The following KDM6B variants were observed in gnomAD, a reference collection of about 807,000 sequenced individuals.
KDM6B encodes the protein lysine demethylase 6B.
A neutral mutation model predicts 150.4 loss-of-function variants in KDM6B; 22 were observed. The ratio of observed to expected loss-of-function variants is 0.15; its 90% confidence interval spans 0.10 to 0.21. The LOEUF is 0.21. KDM6B is among the 10% of genes least tolerant of loss of function. KDM6B has a pLI of 1.00. For missense variants in KDM6B, 1,984 were observed against 2,234.3 expected, an observed-to-expected ratio of 0.89 and a Z score of 2.26; for synonymous variants, 1,148 against 921.1, an observed-to-expected ratio of 1.25 and a Z score of -4.46.
Position 7,846,682 on chromosome 17 carries a change from C to T in KDM6B, c.653C>T (p.Ser218Leu). Residue 218 changes from serine to leucine, a missense_variant, in exon 9 of 24, where the codon TCA (serine) becomes TTA (leucine). By Grantham distance (145) the Ser-to-Leu change is moderately radical (BLOSUM62 -2). Coordinates refer to ENST00000448097, the MANE Select transcript of KDM6B (RefSeq NM_001348716.2). ...CCTCCTGCAGCACTCTCAGGCCCCTCAGGGGAGGAGGGCCTCAGCCCTGGA... is the reference window on the plus strand; with the variant it reads ...CCTCCTGCAGCACTCTCAGGCCCCTTAGGGGAGGAGGGCCTCAGCCCTGGA... ...PVPPAALSGP[S>L]GEEGLSPGGK... The T allele has an allele frequency of 6.2e-7, 1 of 1,614,148 alleles. No individual in the cohort carries two copies. Among genetic ancestry groups the T allele is most frequent in the Non-Finnish European group, 8.5e-7 (1 of 1,179,998 alleles).
rs753870563 is a variant in KDM6B at position 7,852,027 on chromosome 17, C to A, written c.4242C>A (p.His1414Gln). The change falls in exon 19 of 24, where the codon CAC becomes CAA. Residue 1414 changes from histidine to glutamine, a missense_variant. By Grantham distance (24) the His-to-Gln change is conservative. Around this residue, in one of 13 missense-constraint regions of KDM6B, gnomAD observed 19 missense variants for 21.1 expected, o/e 0.90. Transcript: ENST00000448097. ...GCGACTGCGAGTGGTTCGCGGTGCA[C>A]GAGCACTACTGGGAGACCATCAGCG... ...GPGDCEWFAV[H>Q]EHYWETISAF... is the part of the protein sequence containing the mutation. 1 of 1,614,114 alleles carries A rather than the reference C, an allele frequency of 6.2e-7. No homozygotes were observed. The highest frequency in any genetic ancestry group is 1.1e-5 in the South Asian group (1 of 91,088).
intron 1 of KDM6B, among the ~76,000 whole-genome samples, chr17:7,838,790 A>G (rs1486116885): frequency 6.6e-6 from 1 of 151,880 alleles, no homozygotes; most frequent in Non-Finnish European, 1.5e-5. Flanking sequence ...GGAGAGTTCT[A>G]GCCTGAAGCT....
chr17:7,852,095 C>T (rs1324125491), intron 19 of KDM6B, 30 bp downstream of exon 19: 5 of 1,613,260 alleles, frequency 3.1e-6, no homozygotes, highest in Admixed American at 3.3e-5. Flanking sequence ...AGTCAGACTG[C>T]CGCGTCCCCG....
intron 2 of KDM6B, among the ~76,000 whole-genome samples, chr17:7,841,835 G>A (rs1046373399): frequency 1.3e-5 from 2 of 152,196 alleles, no homozygotes; most frequent in African/African-American, 4.8e-5. Context: ...AATCCCGGGC[G>A]GGCGGCCTGC....
rs557767608 is a variant in KDM6B, at chr17:7,853,429, G to C, written c.4908+49G>C. ...GCAGCGGAGGAGGGCACTGGGGCAG[G>C]CTGCAGGGACGGGCTTCGGGAGCCC... is the stretch of plus-strand genomic sequence containing the variant. On this transcript the variant is annotated intron_variant, in intron 23 of 23. Coordinates refer to ENST00000448097, the MANE Select transcript of KDM6B (RefSeq NM_001348716.2). 7.9e-4 allele frequency: 1,203 copies of C among 1,530,466 alleles called. 3 individuals carry two copies. In the Middle Eastern group the frequency reaches 9.5e-3, roughly 12 times the overall value. The allele number at this position is 1,530,466 out of a possible 1,614,324, so 94.8% of individuals were successfully genotyped here.
chr17:7,836,441 T>C (rs1445784685), intron 1 of KDM6B, among the ~76,000 whole-genome samples: 3 of 150,820 alleles, frequency 2.0e-5, no homozygotes, highest in African/African-American at 7.3e-5. Context: ...GGCGGGAGAG[T>C]TGGGGACCCA....
At chr17:7,850,973 C>T in intron 14 of KDM6B, 48 bp from the exon 15 acceptor site, 1 of 1,510,902 alleles carries the variant, frequency 6.6e-7, no homozygotes, top group Non-Finnish European at 9.0e-7. Flanking sequence ...GTCCTCGGTC[C>T]CTATCCTCTG....
rs1310579342 is a variant in KDM6B at position 7,851,058 on chromosome 17, G to A, written c.3711G>A (p.Ala1237=). The change falls in exon 15 of 24, where the codon GCG becomes GCA. Residue 1237 remains alanine, a synonymous_variant. Coordinates refer to ENST00000448097, the MANE Select transcript of KDM6B (RefSeq NM_001348716.2). ...GLFSTKTLVE[A]SGEHTVEVRT... is the part of the protein sequence containing the mutation. ...TCTCCACCAAGACCCTGGTGGAAGC[G>A]AGTGGCGAACACACCGTGGAAGTTC... The A allele has an allele frequency of 2.5e-6, 4 of 1,612,666 alleles. No homozygotes were observed. Among genetic ancestry groups the A allele is most frequent in the East Asian group, 2.2e-5 (1 of 44,872 alleles).
At chr17:7,850,996 C>T in intron 14 of KDM6B, 25 bp from the exon 15 acceptor site, 9 of 1,572,990 alleles carry the variant, frequency 5.7e-6, no homozygotes, top group Non-Finnish European at 6.9e-6. Context: ...TCTGCCCCGA[C>T]ACCCTGCTCG....
rs988670906 is a variant in KDM6B, at chr17:7,851,975, G to C, written c.4190G>C (p.Cys1397Ser). ...GGCCACCAGGAGAATAACAACTTCT[G>C]CTCCGTCAACATCAACATTGGCCCA... ...TPGHQENNNF[C>S]SVNINIGPGD... Residue 1397 changes from cysteine (C) to serine (S), a missense_variant, in exon 19 of 24, where the codon TGC (cysteine) becomes TCC (serine). Cys to Ser is a moderately radical substitution (Grantham distance 112). Transcript: ENST00000448097. 1.9e-6 allele frequency: 3 copies of C among 1,613,914 alleles called. No homozygotes were observed. The Admixed American group carries it at 5.0e-5, about 27-fold the overall frequency.
At position 7,854,772 on chromosome 17, in the gene KDM6B, A is replaced by G. The variant is rs998991081; in HGVS notation, c.*1251A>G. On this transcript the variant is annotated 3_prime_UTR_variant, in exon 24 of 24. Transcript: ENST00000448097. ...GTGATTTTTGTGTGAGAATATTAAT[A>G]TTAAAAATAAACGGAGAAAAAAAAT... 3.2e-5 allele frequency: 11 copies of G among 348,618 alleles called. No individual in the cohort carries two copies. The highest frequency in any genetic ancestry group is 2.3e-4 in the African/African-American group (11 of 47,548). The allele number at this position is 348,618 out of a possible 1,614,324, so 21.6% of individuals were successfully genotyped here.
rs1274570576 is a variant in KDM6B at position 7,848,525 on chromosome 17, C to T, written c.2237C>T (p.Ala746Val). 1.2e-6 allele frequency: 2 copies of T among 1,611,290 alleles called. No homozygotes were observed. The highest frequency in any genetic ancestry group is 4.5e-5 in the East Asian group (2 of 44,756). The change falls in exon 12 of 24, where the codon GCT becomes GTT. Residue 746 changes from alanine to valine, a missense_variant. Around this residue, in one of 13 missense-constraint regions of KDM6B, gnomAD observed 1,379 missense variants for 1,275.6 expected, o/e 1.08. Coordinates refer to ENST00000448097, the MANE Select transcript of KDM6B (RefSeq NM_001348716.2). ...FPTDTAPTTT[A>V]PAVAVTTTTT... ...ACCGACACAGCCCCCACCACTACTGCTCCTGCTGTCGCCGTCACCACCACC... is the reference window on the plus strand; with the variant it reads ...ACCGACACAGCCCCCACCACTACTGTTCCTGCTGTCGCCGTCACCACCACC...
rs761856122 is a variant in KDM6B, at chr17:7,847,099, C to T, written c.910-6C>T. The T allele has an allele frequency of 2.4e-5, 39 of 1,612,486 alleles. No homozygotes were observed. In the Admixed American group the frequency reaches 5.5e-4, roughly 23 times the overall value. On this transcript the variant is annotated splice_polypyrimidine_tract_variant and splice_region_variant and intron_variant, in intron 10 of 23. Transcript: ENST00000448097. ...CTCATCCTGCATCCCTGTTTATCTC[C>T]TATAGGAGCAGCGGCACTCGCTGCC...
rs757440164 is a variant in KDM6B at position 7,851,333 on chromosome 17, GAGA to G, written c.3886_3888del (p.Lys1296del). 70 of 1,613,998 alleles carry G rather than the reference GAGA, an allele frequency of 4.3e-5. No individual in the cohort carries two copies. Among genetic ancestry groups the G allele is most frequent in the Non-Finnish European group, 5.4e-5 (64 of 1,180,036 alleles). On this transcript the variant is annotated inframe_deletion, in exon 16 of 24. Transcript: ENST00000448097. Reference sequence around the variant, plus strand: ...TGCCTACCCTCTGGCTGAACAGGAGGAGAAGGAGAGTGAGGATGAGGAGTCAGA... The same window carrying G: ...TGCCTACCCTCTGGCTGAACAGGAGGAGGAGAGTGAGGATGAGGAGTCAGA...
rs2078452966 is a variant in KDM6B, at chr17:7,843,176, G to A, written c.-268-1725G>A. On this transcript the variant is annotated intron_variant, in intron 2 of 23. Coordinates refer to ENST00000448097, the MANE Select transcript of KDM6B (RefSeq NM_001348716.2). The surrounding 1 kb of genome is among the most constrained non-coding windows in gnomAD (Gnocchi z 4.5). ...TTCCTGGTAACTGGCGGCGCTCTCG[G>A]GACCACTTCCCAAGCAGGCATCTGC... 6.6e-6 allele frequency among the ~76,000 whole-genome samples: 1 copy of A among 152,086 alleles called. No homozygotes were observed. Among genetic ancestry groups the A allele is most frequent in the Non-Finnish European group, 1.5e-5 (1 of 68,012 alleles).
Position 7,849,603 on chromosome 17 carries a change from C to A in KDM6B, c.3315C>A (p.Ile1105=). The change falls in exon 12 of 24, where the codon ATC becomes ATA. Residue 1105 remains isoleucine (I), a synonymous_variant. Coordinates refer to ENST00000448097, the MANE Select transcript of KDM6B (RefSeq NM_001348716.2). ...LSEGPPKELK[I]RLIKVESGDK... is the part of the protein sequence containing the mutation. Reference sequence around the variant, plus strand: ...AGGGGCCCCCCAAGGAGCTGAAGATCCGGCTCATCAAGGTAGAGAGTGGTG... The same window carrying A: ...AGGGGCCCCCCAAGGAGCTGAAGATACGGCTCATCAAGGTAGAGAGTGGTG... 6.2e-7 allele frequency: 1 copy of A among 1,612,390 alleles called. No homozygotes were observed. The highest frequency in any genetic ancestry group is 8.5e-7 in the Non-Finnish European group (1 of 1,180,034).
chr17:7,851,291 G>C, intron 15 of KDM6B, 39 bp from the exon 16 acceptor site: 6 of 1,613,704 alleles, frequency 3.7e-6, no homozygotes, highest in Non-Finnish European at 5.1e-6. Context: ...GCTCTCGAAA[G>C]GTCTCTGACC....
Position 7,845,450 on chromosome 17 carries a change from T to C in KDM6B, c.-12T>C, listed in dbSNP as rs201181439. 67 of 1,450,526 alleles carry C rather than the reference T, an allele frequency of 4.6e-5. 1 individual carries two copies. The East Asian group carries it at 1.5e-3, about 33-fold the overall frequency. The allele number at this position is 1,450,526 out of a possible 1,614,324, so 89.9% of individuals were successfully genotyped here. ...TCTCCAGGGCTCCTGGGGCCACTGCTGACCTGGTAAGGGAAACTCTGGGGC... is the reference window on the plus strand; with the variant it reads ...TCTCCAGGGCTCCTGGGGCCACTGCCGACCTGGTAAGGGAAACTCTGGGGC... On this transcript the variant is annotated 5_prime_UTR_variant, in exon 4 of 24. Coordinates refer to ENST00000448097, the MANE Select transcript of KDM6B (RefSeq NM_001348716.2).
chr17:7,852,574 C>T lies in KDM6B; in HGVS notation c.4548C>T (p.His1516=), dbSNP rs1446546901. Residue 1516 remains histidine, a synonymous_variant, in exon 21 of 24, where the codon CAC becomes CAT. Transcript: ENST00000448097. The part of the protein sequence containing the change: ...KNVKSIVPMI[H]VSWNVARTVK... Reference sequence around the variant, plus strand: ...TCAAATCCATCGTGCCCATGATTCACGTGTCATGGAACGTGGCTCGCACGG... The same window carrying T: ...TCAAATCCATCGTGCCCATGATTCATGTGTCATGGAACGTGGCTCGCACGG... 5 of 1,614,146 alleles carry T rather than the reference C, an allele frequency of 3.1e-6. No individual in the cohort carries two copies. Among genetic ancestry groups the T allele is most frequent in the Admixed American group, 1.7e-5 (1 of 60,032 alleles).
Sources: allele counts gnomAD v4.1 joint callset (sites outside exome capture counted in the v4.1 genomes callset), GRCh38; gene constraint gnomAD v4.1.1; regional missense constraint gnomAD v4.1.1; non-coding constraint Gnocchi (gnomAD v3.1); transcripts MANE v1.5; gene names NCBI Gene and HGNC (gene_info 2026-07-23, HGNC 2026-07-21).